SETD1B: variants seen among roughly 807,000 people sequenced by gnomAD.
SETD1B encodes the protein SET domain containing 1B, histone lysine methyltransferase, also known as histone-lysine N-methyltransferase SETD1B.
Under a neutral mutation model 148.0 loss-of-function variants are expected in SETD1B, and 7 were observed. The ratio of observed to expected loss-of-function variants is 0.05; its 90% CI spans 0.03 to 0.09. The LOEUF is 0.09. SETD1B is among the 10% of genes least tolerant of loss of function. The pLI is 1.00. For missense variants in SETD1B, 2,155 were observed against 2,729.9 expected (o/e 0.79, Z 4.69); for synonymous variants, 1,361 against 1,186.5 (o/e 1.15, Z -3.02).
chr12:121,798,980 G>C, the SETD1B span, among the ~76,000 whole-genome samples: 5 of 152,228 alleles, frequency 3.3e-5, no homozygotes, highest in Non-Finnish European at 7.3e-5. Flanking sequence ...CTAGGGGCTG[G>C]AGTCTCAAAA....
intron 7 of SETD1B, among the ~76,000 whole-genome samples, chr12:121,815,864 G>C (rs1160993867): frequency 8.1e-6 from 1 of 122,832 alleles, no homozygotes; most frequent in Non-Finnish European, 1.6e-5. Context: ...GTCTCACTCT[G>C]TCACCCTGGC....
chr12:121,824,601 C>T (rs943738085), intron 12 of SETD1B, among the ~76,000 whole-genome samples: 2 of 151,880 alleles, frequency 1.3e-5, no homozygotes, highest in East Asian at 1.9e-4. Flanking sequence ...GAGCCAAGAT[C>T]GCACCACTGC....
intron 10 of SETD1B, 57 bp from the exon 11 acceptor site, chr12:121,819,347 T>A: frequency 6.5e-7 from 1 of 1,546,650 alleles, no homozygotes; most frequent in Non-Finnish European, 8.7e-7. Context: ...AGGGGTCTGG[T>A]GGGGGCTGGG....
At chr12:121,799,731 T>TGGGGGGGGGGG (rs1308261766), upstream of SETD1B, 3 of 31,722 alleles carry the variant, frequency 9.5e-5, no homozygotes, top group Non-Finnish European at 1.4e-4. Flanking sequence ...GGGGGGGGGG[T>TGGGGGGGGGGG]GGGGTGGGGC....
intron 7 of SETD1B, among the ~76,000 whole-genome samples, chr12:121,816,659 G>C (rs924273727): frequency 6.6e-6 from 1 of 152,206 alleles, no homozygotes; most frequent in African/African-American, 2.4e-5. Flanking sequence ...AAGCCAGTAG[G>C]TCCTGTTTTT....
At position 121,814,911 on chromosome 12, in the gene SETD1B, A is replaced by G. The variant is rs1876217930; in HGVS notation, c.2696A>G (p.Lys899Arg). Reference sequence around the variant, plus strand: ...CGGGCCTTTGACGAGTGGTGGGACAAGAAGGAGCGGATGGCCAAGGTGGGT... The same window carrying G: ...CGGGCCTTTGACGAGTGGTGGGACAGGAAGGAGCGGATGGCCAAGGTGGGT... ...AFRAFDEWWDKKERMAKASLT... is the reference protein window; with the variant it reads ...AFRAFDEWWDRKERMAKASLT... Residue 899 changes from lysine (K) to arginine (R), a missense_variant, in exon 7 of 17, where the codon AAG (lysine) becomes AGG (arginine). Transcript: ENST00000604567. 2 of 1,541,930 alleles carry G rather than the reference A, an allele frequency of 1.3e-6. No individual in the cohort carries two copies. The highest frequency in any genetic ancestry group is 1.8e-6 in the Non-Finnish European group (2 of 1,140,998).
intron 12 of SETD1B, among the ~76,000 whole-genome samples, chr12:121,824,369 G>C (rs953668716): frequency 6.6e-6 from 1 of 152,166 alleles, no homozygotes; most frequent in African/African-American, 2.4e-5. Context: ...CTCAAGTGCC[G>C]GGCACCATGG....
At position 121,810,340 on chromosome 12, in the gene SETD1B, C is replaced by G; in HGVS notation, c.1395C>G (p.Gly465=). ...CCGACACCAACAGCATGGAGCTGGG[C>G]GGCCGGCCCACCTTCGGCTGGAGTC... ...PPPDTNSMEL[G]GRPTFGWSPE... The change falls in exon 6 of 17, where the codon GGC becomes GGG. Residue 465 remains glycine (G), a synonymous_variant. Transcript: ENST00000604567. The surrounding 1 kb of genome is among the most constrained non-coding windows in gnomAD (Gnocchi z 7.6). 5 of 1,545,860 alleles carry G rather than the reference C, an allele frequency of 3.2e-6. No individual in the cohort carries two copies. The highest frequency in any genetic ancestry group is 4.9e-5 in the East Asian group (2 of 40,894).
intron 12 of SETD1B, among the ~76,000 whole-genome samples, chr12:121,824,264 CT>C (rs1384237204): frequency 1.3e-5 from 2 of 152,196 alleles, no homozygotes; most frequent in Non-Finnish European, 1.5e-5. Flanking sequence ...TTTCATGAGG[CT>C]TGGCTGTTCA....
chr12:121,816,268 CT>C (rs1334899644), intron 7 of SETD1B, among the ~76,000 whole-genome samples: 1 of 151,930 alleles, frequency 6.6e-6, no homozygotes, highest in Non-Finnish European at 1.5e-5. Flanking sequence ...CCATTCCCCC[CT>C]GCTCCCCTCC....
chr12:121,814,330 G>A lies in SETD1B; in HGVS notation c.2115G>A (p.Met705Ile). The change falls in exon 7 of 17, where the codon ATG (methionine) becomes ATA (isoleucine). Residue 705 changes from methionine (M) to isoleucine (I), a missense_variant. This residue lies in a region of SETD1B where 295 missense variants were observed against 303.8 expected (regional missense o/e 0.97). Coordinates refer to ENST00000604567, the MANE Select transcript of SETD1B (RefSeq NM_001353345.2). ...PPPPPQPGFP[M>I]PPPLPPPPPP... ...CCCCACCGCAGCCTGGCTTCCCCATGCCCCCACCGCTGCCCCCACCGCCGC... is the reference window on the plus strand; with the variant it reads ...CCCCACCGCAGCCTGGCTTCCCCATACCCCCACCGCTGCCCCCACCGCCGC... 1.4e-6 allele frequency: 1 copy of A among 710,066 alleles called. No individual in the cohort carries two copies. Among genetic ancestry groups the A allele is most frequent in the Non-Finnish European group, 2.0e-6 (1 of 498,362 alleles). 44.0% of individuals were successfully genotyped at this position (710,066 alleles called of 1,614,324 possible). A position where few individuals can be genotyped will look rare whatever the true frequency, so the allele number is the denominator to read the frequency against.
At chr12:121,821,879 A>C (rs1216178338) in intron 11 of SETD1B, among the ~76,000 whole-genome samples, 2 of 152,018 alleles carry the variant, frequency 1.3e-5, no homozygotes, top group Non-Finnish European at 2.9e-5. Context: ...TGAGGCCAGG[A>C]GTTCAAGACC....
At position 121,809,938 on chromosome 12, in the gene SETD1B, C is replaced by T. The variant is rs1875936145; in HGVS notation, c.993C>T (p.His331=). ...GCCGCCACGAACATCATTATGTACA[C>T]AATTCTCCCGCGGTCACTGCGGTGG... The part of the protein sequence containing the change: ...YNRRHEHHYV[H]NSPAVTAVAG... The change falls in exon 6 of 17, where the codon CAC becomes CAT. Residue 331 remains histidine (H), a synonymous_variant. Transcript: ENST00000604567. 3 of 1,551,150 alleles carry T rather than the reference C, an allele frequency of 1.9e-6. No homozygotes were observed. The highest frequency in any genetic ancestry group is 2.0e-5 in the Admixed American group (1 of 50,994).
Position 121,823,325 on chromosome 12 carries a change from TCCA to T in SETD1B, c.4752_4754del (p.Pro1585del). On this transcript the variant is annotated inframe_deletion, in exon 12 of 17. Transcript: ENST00000604567. ...TCCGGAACGCGGGGATCCCAGCCCC[TCCA>T]CCACCCCTTCCCCCCCAGCCACCCC... 1 of 1,320,240 alleles carries T rather than the reference TCCA, an allele frequency of 7.6e-7. No individual in the cohort carries two copies. Among genetic ancestry groups the T allele is most frequent in the Non-Finnish European group, 1.0e-6 (1 of 986,018 alleles). 81.8% of individuals were successfully genotyped at this position (1,320,240 alleles called of 1,614,324 possible). A position where few individuals can be genotyped will look rare whatever the true frequency, so the allele number is the denominator to read the frequency against.
rs1419451876 is a variant in SETD1B, at chr12:121,825,268, G to T, written c.5239G>T (p.Ala1747Ser). The change falls in exon 13 of 17, where the codon GCC becomes TCC. Residue 1747 changes from alanine to serine, a missense_variant. Physicochemically the swap from Ala to Ser is moderately conservative, Grantham distance 99 (BLOSUM62 1). This residue lies in a region of SETD1B where 96 missense variants were observed against 148.7 expected (regional missense o/e 0.65). Transcript: ENST00000604567. ...DGIREHVTGC[A>S]RSEGFYTIDK... The stretch of plus-strand genomic sequence containing the variant: ...CATCCGCGAGCACGTGACGGGCTGT[G>T]CCCGCAGTGAGGGCTTCTACACCAT... 1 of 1,551,850 alleles carries T rather than the reference G, an allele frequency of 6.4e-7. No individual in the cohort carries two copies. Among genetic ancestry groups the T allele is most frequent in the Non-Finnish European group, 8.7e-7 (1 of 1,147,064 alleles).
intron 13 of SETD1B, among the ~76,000 whole-genome samples, chr12:121,826,614 G>A (rs1010640535): frequency 2.0e-5 from 3 of 152,132 alleles, no homozygotes; most frequent in Admixed American, 2.0e-4. Context: ...GTCTCCTGGG[G>A]TGACAGGCAG....
At position 121,809,826 on chromosome 12, in the gene SETD1B, C is replaced by T. The variant is rs1332270395; in HGVS notation, c.881C>T (p.Pro294Leu). Reference sequence around the variant, plus strand: ...GACTCCAGCTACTCCAGCCGCCAGCCCACACCCTCATACCTCTTCAGCCAG... The same window carrying T: ...GACTCCAGCTACTCCAGCCGCCAGCTCACACCCTCATACCTCTTCAGCCAG... The part of the protein sequence containing the change: ...SQDSSYSSRQ[P>L]TPSYLFSQDP... Residue 294 changes from proline to leucine, a missense_variant, in exon 6 of 17, where the codon CCC becomes CTC. Coordinates refer to ENST00000604567, the MANE Select transcript of SETD1B (RefSeq NM_001353345.2). 1.3e-6 allele frequency: 2 copies of T among 1,551,564 alleles called. No homozygotes were observed. Among genetic ancestry groups the T allele is most frequent in the African/African-American group, 1.4e-5 (1 of 73,158 alleles).
chr12:121,793,721 G>C, the SETD1B span: 1 of 1,238,224 alleles, frequency 8.1e-7, no homozygotes, highest in South Asian at 1.7e-5. Flanking sequence ...AACCAGCCCC[G>C]CCCACTCGGA....
intron 12 of SETD1B, among the ~76,000 whole-genome samples, chr12:121,824,094 G>T (rs1359745631): frequency 1.3e-5 from 2 of 152,192 alleles, no homozygotes; most frequent in East Asian, 1.9e-4. Flanking sequence ...AATCCCGGTA[G>T]CCTGGTGAAG....
Sources: gnomAD v4.1 joint callset for allele counts (sites outside exome capture counted in the v4.1 genomes callset) on GRCh38, gnomAD v4.1.1 for gene constraint, gnomAD v4.1.1 regional missense constraint, Gnocchi (gnomAD v3.1) non-coding constraint, MANE v1.5 for transcripts, NCBI Gene and HGNC (gene_info 2026-07-23, HGNC 2026-07-21) for gene names.